Variants in RABGAP1L observed in about 807,000 individuals in gnomAD.
The protein encoded by RABGAP1L is rab GTPase-activating protein 1-like.
A neutral mutation model predicts 137.7 loss-of-function variants in RABGAP1L; 63 were observed. The ratio of observed to expected loss-of-function variants is 0.46; its 90% CI spans 0.37 to 0.56. The LOEUF (loss-of-function observed/expected upper bound fraction) is 0.56. Among genes scored for constraint, RABGAP1L ranks in the 20% least tolerant of loss-of-function variants. The pLI is 0.00. For synonymous variants in RABGAP1L, 431 were observed against 433.7 expected (o/e 0.99, Z 0.08); for missense variants, 1,095 against 1,244.0 (o/e 0.88, Z 1.80).
chr1:174,683,874 G>T (rs74419880), intron 15 of RABGAP1L, among the ~76,000 whole-genome samples: 132 of 152,262 alleles, frequency 8.7e-4, no homozygotes, highest in Non-Finnish European at 1.5e-3. Context: ...CGGTATAACT[G>T]CCCAAATATC....
chr1:174,829,770 T>C (rs1691912605), intron 19 of RABGAP1L, among the ~76,000 whole-genome samples: 1 of 148,538 alleles, frequency 6.7e-6, no homozygotes, highest in African/African-American at 2.5e-5. Flanking sequence ...ACTAGTTATT[T>C]CCATCTTTAT....
At chr1:174,624,832 C>G (rs1020489903) in intron 13 of RABGAP1L, among the ~76,000 whole-genome samples, 1 of 151,622 alleles carries the variant, frequency 6.6e-6, no homozygotes, top group Non-Finnish European at 1.5e-5. Context: ...AACCACCCTA[C>G]CTAATAGGTC....
chr1:174,373,603 C>G (rs1024303038), intron 12 of RABGAP1L, among the ~76,000 whole-genome samples: 3 of 152,196 alleles, frequency 2.0e-5, no homozygotes, highest in African/African-American at 7.2e-5. Context: ...TTCCACACTT[C>G]TGAAGAGATA....
At chr1:174,982,167 G>A (rs1302671204) in intron 23 of RABGAP1L, among the ~76,000 whole-genome samples, 3 of 151,910 alleles carry the variant, frequency 2.0e-5, no homozygotes, top group Admixed American at 6.6e-5. Context: ...AAATTCTGGG[G>A]TACACATGCA....
intron 1 of RABGAP1L, among the ~76,000 whole-genome samples, chr1:174,182,333 A>G (rs1666443163): frequency 6.6e-6 from 1 of 152,220 alleles, no homozygotes; most frequent in African/African-American, 2.4e-5. Context: ...GTTGAGAGAA[A>G]GTTAGTAAGT....
chr1:174,376,059 C>T (rs1558179610), intron 12 of RABGAP1L, among the ~76,000 whole-genome samples: 1 of 150,120 alleles, frequency 6.7e-6, no homozygotes, highest in African/African-American at 2.5e-5. Context: ...GAGCAAGACT[C>T]TGTCAGAAAA....
At chr1:174,778,855 A>C (rs1043407670) in intron 18 of RABGAP1L, among the ~76,000 whole-genome samples, 11 of 151,944 alleles carry the variant, frequency 7.2e-5, no homozygotes, top group African/African-American at 1.2e-4. Flanking sequence ...TAGCCTCCCA[A>C]AGTGCTGGGA....
intron 14 of RABGAP1L, among the ~76,000 whole-genome samples, chr1:174,666,128 T>A (rs754823314): frequency 6.6e-6 from 1 of 152,188 alleles, no homozygotes; most frequent in Non-Finnish European, 1.5e-5. Context: ...TGAGAACAGA[T>A]CTCTTCTTAG....
intron 18 of RABGAP1L, among the ~76,000 whole-genome samples, chr1:174,798,469 C>A (rs1195449849): frequency 4.0e-5 from 6 of 151,490 alleles, no homozygotes; most frequent in Non-Finnish European, 5.9e-5. Flanking sequence ...ATAAATATTT[C>A]ATTTAAAATA....
intron 18 of RABGAP1L, among the ~76,000 whole-genome samples, chr1:174,781,852 G>A (rs546690056): frequency 6.6e-6 from 1 of 152,060 alleles, no homozygotes; most frequent in Admixed American, 6.5e-5. Flanking sequence ...TTTTTCTCAG[G>A]TTTGTCAAAG....
At chr1:174,213,520 A>G (rs1011885856) in intron 1 of RABGAP1L, among the ~76,000 whole-genome samples, 1 of 152,222 alleles carries the variant, frequency 6.6e-6, no homozygotes, top group Non-Finnish European at 1.5e-5. Context: ...ATCAAAAACA[A>G]ACAAGTAAAC....
At chr1:174,596,493 A>G (rs542148528) in intron 13 of RABGAP1L, among the ~76,000 whole-genome samples, 1 of 152,178 alleles carries the variant, frequency 6.6e-6, no homozygotes, top group Non-Finnish European at 1.5e-5. Flanking sequence ...TGGATTCTTA[A>G]ATTTTAAATT....
In RABGAP1L at chr1:174,786,092, A is replaced by G. The variant is rs190259943; in HGVS notation, c.2212-25740A>G. ...GTAGTTTTTATCTTCTCTAAATATA[A>G]TAACTTGTAGAGGAGGAGTGTGGAA... On this transcript the variant is annotated intron_variant, in intron 18 of 25. Coordinates refer to ENST00000681986, the MANE Select transcript of RABGAP1L (RefSeq NM_001366446.1). Among the ~76,000 whole-genome samples the G allele has an allele frequency of 1.2e-4, 18 of 152,334 alleles. No individual in the cohort carries two copies. The East Asian group carries it at 2.9e-3, about 24-fold the overall frequency.
rs148110762 is a variant in RABGAP1L at position 174,842,826 on chromosome 1, T to C, written c.2340+30866T>C. 6.7e-3 allele frequency among the ~76,000 whole-genome samples: 1,016 copies of C among 152,288 alleles called. 8 individuals are homozygous for C. Among genetic ancestry groups the C allele is most frequent in the African/African-American group, 0.023 (936 of 41,552 alleles). On this transcript the variant is annotated intron_variant, in intron 19 of 25. Transcript: ENST00000681986. ...ACTAGCATTAACATCCAAAACTATA[T>C]ATAATCACTAAATTTCATTTACCAT...
chr1:174,421,436 C>G (rs1252164228), intron 13 of RABGAP1L, among the ~76,000 whole-genome samples: 2 of 152,294 alleles, frequency 1.3e-5, no homozygotes, highest in South Asian at 2.1e-4. Context: ...GTGACATATT[C>G]AGGATATAGA....
chr1:174,773,163 G>GGTGT (rs9286899), intron 18 of RABGAP1L, among the ~76,000 whole-genome samples: 4 of 149,656 alleles, frequency 2.7e-5, no homozygotes, highest in South Asian at 4.3e-4. Context: ...TAAGCTATGG[G>GGTGT]GTGTGTGTGT....
chr1:174,485,431 A>G (rs1659533434), intron 13 of RABGAP1L, among the ~76,000 whole-genome samples: 1 of 152,198 alleles, frequency 6.6e-6, no homozygotes, highest in African/African-American at 2.4e-5. Flanking sequence ...CTTAGAGGAA[A>G]GGCTTTCAGT....
intron 13 of RABGAP1L, among the ~76,000 whole-genome samples, chr1:174,398,130 G>A (rs1648101600): frequency 6.6e-6 from 1 of 152,114 alleles, no homozygotes; most frequent in South Asian, 2.1e-4. Flanking sequence ...TACCTGCCTA[G>A]CATCAATATG....
intron 4 of RABGAP1L, among the ~76,000 whole-genome samples, chr1:174,231,592 G>T (rs753558643): frequency 2.0e-5 from 3 of 152,196 alleles, no homozygotes; most frequent in Non-Finnish European, 4.4e-5. Context: ...ATAAAGAGAA[G>T]AGGTTTAACT....
Sources: gnomAD v4.1 joint callset for allele counts (sites outside exome capture counted in the v4.1 genomes callset) on GRCh38, gnomAD v4.1.1 for gene constraint, MANE v1.5 for transcripts, NCBI Gene and HGNC (gene_info 2026-07-23, HGNC 2026-07-21) for gene names.